GLI2: variants seen among roughly 807,000 people sequenced by gnomAD.
The protein encoded by GLI2 is transcription activator GLI2.
A neutral mutation model predicts 78.9 loss-of-function variants in GLI2; 22 were observed. The ratio of observed to expected loss-of-function variants is 0.28; its 90% CI spans 0.20 to 0.40. The LOEUF is 0.40. GLI2 is among the 10% of genes least tolerant of loss of function. The pLI, the probability that GLI2 is intolerant of heterozygous loss-of-function variation, is 1.00. For synonymous variants in GLI2, 974 were observed against 963.7 expected (o/e 1.01, Z -0.20); for missense variants, 2,097 against 2,213.2 (o/e 0.95, Z 1.05).
At chr2:120,792,591 A>G (rs1684199948) in intron 1 of GLI2, among the ~76,000 whole-genome samples, 1 of 152,316 alleles carries the variant, frequency 6.6e-6, no homozygotes, top group Non-Finnish European at 1.5e-5. Flanking sequence ...ATCAGGTTAG[A>G]TAGTCCTGCT....
At chr2:120,817,469 G>A (rs1026729911) in intron 2 of GLI2, among the ~76,000 whole-genome samples, 1 of 152,072 alleles carries the variant, frequency 6.6e-6, no homozygotes, top group Non-Finnish European at 1.5e-5. Flanking sequence ...GGACCATCGG[G>A]GGATCTCCTG....
chr2:120,749,546 T>C lies in GLI2; in HGVS notation c.-31+13261T>C, dbSNP rs115052909. ...AGCAGAGTTCCAGGCTGGCTTTGCC[T>C]GTGAGTTAACATGAGACCTCAGGCG... is the stretch of plus-strand genomic sequence containing the variant. On this transcript the variant is annotated intron_variant, in intron 1 of 13. Transcript: ENST00000361492. Among the ~76,000 whole-genome samples, 461 of 152,354 alleles carry C rather than the reference T, an allele frequency of 3.0e-3. 6 individuals carry two copies. Among genetic ancestry groups the C allele is most frequent in the Non-Finnish European group, 2.3e-3 (158 of 68,026 alleles).
intron 2 of GLI2, among the ~76,000 whole-genome samples, chr2:120,889,944 A>G (rs760400501): frequency 1.3e-5 from 2 of 152,240 alleles, no homozygotes; most frequent in African/African-American, 2.4e-5. Context: ...AGGACCCAAC[A>G]GTTACACCCT....
chr2:120,818,431 T>G (rs2104742408), intron 2 of GLI2, among the ~76,000 whole-genome samples: 1 of 152,306 alleles, frequency 6.6e-6, no homozygotes, highest in East Asian at 1.9e-4. Flanking sequence ...CTGGGCCTAG[T>G]CTGGGTGCAT....
chr2:120,854,851 T>G (rs1186107694), intron 2 of GLI2, among the ~76,000 whole-genome samples: 1 of 152,178 alleles, frequency 6.6e-6, no homozygotes, highest in Non-Finnish European at 1.5e-5. Context: ...AAGTTTGCAT[T>G]TGTAAGTCCC....
chr2:120,930,441 G>A (rs1679895985), intron 3 of GLI2, among the ~76,000 whole-genome samples: 1 of 152,222 alleles, frequency 6.6e-6, no homozygotes, highest in Non-Finnish European at 1.5e-5. Flanking sequence ...TCAAGTTCCA[G>A]CCCCCTGAGC....
At chr2:120,922,202 T>G (rs1315999753) in intron 2 of GLI2, among the ~76,000 whole-genome samples, 1 of 152,182 alleles carries the variant, frequency 6.6e-6, no homozygotes, top group African/African-American at 2.4e-5. Context: ...CATGCATAAA[T>G]AAATGAGTGA....
In GLI2 at chr2:120,942,859, CTCTTTCATTCAT is replaced by C. The variant is rs754800304; in HGVS notation, c.255-8381_255-8370del. On this transcript the variant is annotated intron_variant, in intron 3 of 13. Transcript: ENST00000361492. ...ATTCATTCATTCATTCGTTCACGCC[CTCTTTCATTCAT>C]TCATTCATTCATTCATTCACTCATT... 1.0e-3 allele frequency among the ~76,000 whole-genome samples: 154 copies of C among 149,686 alleles called. 1 individual carries two copies. The highest frequency in any genetic ancestry group is 4.4e-3 in the South Asian group (21 of 4,808).
chr2:120,923,670 G>A (rs576204611), intron 2 of GLI2, among the ~76,000 whole-genome samples: 15 of 151,870 alleles, frequency 9.9e-5, no homozygotes, highest in South Asian at 8.3e-4. Context: ...ACACACATGC[G>A]CATATAGCGA....
intron 7 of GLI2, among the ~76,000 whole-genome samples, chr2:120,971,254 C>A (rs891633877): frequency 6.6e-6 from 1 of 152,218 alleles, no homozygotes; most frequent in Non-Finnish European, 1.5e-5. Context: ...TACAAACAAG[C>A]TCATGTGTGC....
At chr2:120,902,196 C>A (rs1678297969) in intron 2 of GLI2, among the ~76,000 whole-genome samples, 1 of 145,950 alleles carries the variant, frequency 6.9e-6, no homozygotes, top group South Asian at 2.3e-4. Context: ...CCCCCCCCCA[C>A]CCCCAACCCC....
rs762724928 is a variant in GLI2 at position 120,986,493 on chromosome 2, C to T, written c.2121C>T (p.Thr707=). 4 of 1,614,110 alleles carry T rather than the reference C, an allele frequency of 2.5e-6. No homozygotes were observed. Among genetic ancestry groups the T allele is most frequent in the Non-Finnish European group, 3.4e-6 (4 of 1,180,032 alleles). ...GCCTCCAGCTGCGCAAACACATGACCACCATGCACCGGTTCGAGCAGCTCA... is the reference window on the plus strand; with the variant it reads ...GCCTCCAGCTGCGCAAACACATGACTACCATGCACCGGTTCGAGCAGCTCA... ...AGGLQLRKHM[T]TMHRFEQLKK... is the part of the protein sequence containing the mutation. The change falls in exon 13 of 14, where the codon ACC becomes ACT. Residue 707 remains threonine, a synonymous_variant. Transcript: ENST00000361492.
At chr2:120,790,591 T>C (rs561389031) in intron 1 of GLI2, among the ~76,000 whole-genome samples, 3 of 151,656 alleles carry the variant, frequency 2.0e-5, no homozygotes, top group African/African-American at 7.3e-5. Context: ...AGAGGGGGAG[T>C]CAGGGACAAG....
rs145437281 is a variant in GLI2, at chr2:120,871,292, C to A, written c.149-56069C>A. ...CTTCTCAAAGATAGGGCTGTACTTC[C>A]CTGCTTTCCTGGTGCCCACACAGCT... On this transcript the variant is annotated intron_variant, in intron 2 of 13. Transcript: ENST00000361492. 1.9e-4 allele frequency among the ~76,000 whole-genome samples: 25 copies of A among 128,738 alleles called. No homozygotes were observed. The East Asian group carries it at 6.3e-3, about 32-fold the overall frequency. 84.5% of individuals were successfully genotyped at this position (128,738 alleles called of 152,430 possible). A position where few individuals can be genotyped will look rare whatever the true frequency, so the allele number is the denominator to read the frequency against.
chr2:120,830,573 C>G (rs1475115007), intron 2 of GLI2, among the ~76,000 whole-genome samples: 1 of 152,254 alleles, frequency 6.6e-6, no homozygotes, highest in African/African-American at 2.4e-5. Context: ...GTTCCCCAAA[C>G]AGCAGCCTCT....
Position 120,988,672 on chromosome 2 carries a change from C to A in GLI2, c.2707C>A (p.Leu903Met). 5 of 1,360,614 alleles carry A rather than the reference C, an allele frequency of 3.7e-6. No homozygotes were observed. In the South Asian group the frequency reaches 6.0e-5, roughly 16 times the overall value. 84.3% of individuals were successfully genotyped at this position (1,360,614 alleles called of 1,614,324 possible). A position where few individuals can be genotyped will look rare whatever the true frequency, so the allele number is the denominator to read the frequency against. The change falls in exon 14 of 14, where the codon CTG becomes ATG. Residue 903 changes from leucine to methionine, a missense_variant. Leu to Met is a conservative substitution (Grantham distance 15, BLOSUM62 2). Transcript: ENST00000361492. The stretch of plus-strand genomic sequence containing the variant: ...GAGCCTGCGGACCAGGCTGGCGCTG[C>A]TGGACGCGCCCGAGCGCACGCTGCC... ...RMSLRTRLALLDAPERTLPAG... is the reference protein window; with the variant it reads ...RMSLRTRLALMDAPERTLPAG...
chr2:120,765,079 C>G (rs1320744870), intron 1 of GLI2, among the ~76,000 whole-genome samples: 1 of 152,208 alleles, frequency 6.6e-6, no homozygotes, highest in African/African-American at 2.4e-5. Flanking sequence ...CTCCTGCCCT[C>G]CCTTCCTCCT....
At chr2:120,907,451 G>A (rs1678589348) in intron 2 of GLI2, among the ~76,000 whole-genome samples, 2 of 152,180 alleles carry the variant, frequency 1.3e-5, no homozygotes, top group Admixed American at 1.3e-4. Flanking sequence ...GGTGGCAATG[G>A]CCTCTCGTAG....
rs57311162 is a variant in GLI2, at chr2:120,859,452, C to CT, written c.148+62007dup. Among the ~76,000 whole-genome samples the CT allele has an allele frequency of 9.7e-3, 1,216 of 125,418 alleles. 9 individuals are homozygous for CT. The highest frequency in any genetic ancestry group is 0.015 in the African/African-American group (487 of 31,936). The allele number at this position is 125,418 out of a possible 152,430, so 82.3% of individuals were successfully genotyped here. On this transcript the variant is annotated intron_variant, in intron 2 of 13. Transcript: ENST00000361492. The stretch of plus-strand genomic sequence containing the variant: ...ACAACAGCCCTACAGATACTCCCTC[C>CT]TTTTTTTTTTTTTTTTTTTTTTTGA...
Sources: gnomAD v4.1 joint callset for allele counts (sites outside exome capture counted in the v4.1 genomes callset) on GRCh38, gnomAD v4.1.1 for gene constraint, MANE v1.5 for transcripts, NCBI Gene and HGNC (gene_info 2026-07-23, HGNC 2026-07-21) for gene names.